GK5: variants seen among roughly 807,000 people sequenced by gnomAD.
GK5 encodes the protein glycerol kinase 5, also known as ATP:glycerol 3-phosphotransferase 5.
GK5 carries 39 observed loss-of-function variants against 77.3 expected under a neutral mutation model. That is an observed-to-expected ratio of 0.50 (90% CI 0.39 to 0.66). GK5 has a LOEUF of 0.66. Ranked by LOEUF, GK5 falls within the 30% of genes least tolerant of loss-of-function variation. The pLI is 0.00. For synonymous variants in GK5, 211 were observed against 208.0 expected (o/e 1.01, Z -0.13); for missense variants, 487 against 633.8 (o/e 0.77, Z 2.49).
chr3:142,183,657 C>T (rs1244712292), intron 9 of GK5, among the ~76,000 whole-genome samples: 1 of 152,018 alleles, frequency 6.6e-6, no homozygotes, highest in Non-Finnish European at 1.5e-5. Context: ...TTTTAGTAGA[C>T]ATGGAGTTTC....
Position 142,182,951 on chromosome 3 carries a change from A to G in GK5, c.915T>C (p.Thr305=), listed in dbSNP as rs2107774875. The G allele has an allele frequency of 6.2e-7, 1 of 1,611,522 alleles. No homozygotes were observed. Among genetic ancestry groups the G allele is most frequent in the Admixed American group, 1.7e-5 (1 of 60,014 alleles). The change falls in exon 10 of 16, where the codon ACT becomes ACC. Residue 305 remains threonine (T), a synonymous_variant. Transcript: ENST00000392993. Reference sequence around the variant, plus strand: ...CAGTAGTCTGTTGAAGGCTATTTCCAGTGTTAATATCCAAAAATGTCCCAG... The same window carrying G: ...CAGTAGTCTGTTGAAGGCTATTTCCGGTGTTAATATCCAAAAATGTCCCAG... The part of the protein sequence containing the change: ...MGTGTFLDIN[T]GNSLQQTTGG...
At chr3:142,213,480 G>A (rs756512229) in intron 3 of GK5, 46 bp downstream of exon 3, 3 of 1,075,962 alleles carry the variant, frequency 2.8e-6, no homozygotes, top group Admixed American at 3.4e-5. Context: ...TGTACTCACT[G>A]TGGCATGAAC....
chr3:142,224,038 G>A (rs1368582448), intron 1 of GK5, among the ~76,000 whole-genome samples: 1 of 152,136 alleles, frequency 6.6e-6, no homozygotes, highest in East Asian at 1.9e-4. Context: ...GGAATGGTTA[G>A]GTAACTGATG....
intron 12 of GK5, among the ~76,000 whole-genome samples, chr3:142,173,868 C>T (rs1266893215): frequency 6.6e-6 from 1 of 152,144 alleles, no homozygotes; most frequent in Non-Finnish European, 1.5e-5. Context: ...GAAAAAGCAC[C>T]TTCTAGCTTC....
chr3:142,222,268 A>T (rs1254952508), intron 1 of GK5, among the ~76,000 whole-genome samples: 1 of 152,106 alleles, frequency 6.6e-6, no homozygotes, highest in African/African-American at 2.4e-5. Context: ...GTTTTTTTAA[A>T]AAATTTCTAT....
In GK5 at chr3:142,170,407, GTCTGAAGTCA is replaced by G. The variant is rs2063522198; in HGVS notation, c.1349_1358del (p.Met450ThrfsTer2). 5.6e-6 allele frequency: 9 copies of G among 1,613,684 alleles called. No individual in the cohort carries two copies. Among genetic ancestry groups the G allele is most frequent in the Non-Finnish European group, 7.6e-6 (9 of 1,179,774 alleles). On this transcript the variant is annotated frameshift_variant, in exon 15 of 16. Transcript: ENST00000392993. LOFTEE classifies it high-confidence loss of function. ...GTCTGTCTATATTCTCATTAATCAG[GTCTGAAGTCA>G]TCTGCATGACAAAACCATTCTTACA...
intron 1 of GK5, among the ~76,000 whole-genome samples, chr3:142,216,237 C>T (rs958006146): frequency 6.6e-6 from 1 of 152,096 alleles, no homozygotes; most frequent in South Asian, 2.1e-4. Context: ...CTCAAGACAT[C>T]CTGAAAACCA....
At chr3:142,185,817 T>C in intron 9 of GK5, 112 bp downstream of exon 9, 1 of 1,548,660 alleles carries the variant, frequency 6.5e-7, no homozygotes, top group Non-Finnish European at 8.7e-7. Context: ...AAAAATACTT[T>C]AATCTTACTC....
At chr3:142,218,377 C>A (rs1023176424) in intron 1 of GK5, among the ~76,000 whole-genome samples, 188 of 125,884 alleles carry the variant, frequency 1.5e-3, no homozygotes, top group Non-Finnish European at 1.6e-3. Context: ...TACTAAAATA[C>A]AAAAAAAAAA....
intron 3 of GK5, among the ~76,000 whole-genome samples, chr3:142,209,924 T>C (rs1027108624): frequency 3.3e-5 from 5 of 150,520 alleles, no homozygotes; most frequent in African/African-American, 1.2e-4. Context: ...CCAAGAGACA[T>C]TGACTAAAGA....
intron 15 of GK5, among the ~76,000 whole-genome samples, chr3:142,166,005 C>T (rs73236071): frequency 0.081 from 12,296 of 152,264 alleles, 639 homozygotes; most frequent in Middle Eastern, 0.13. Flanking sequence ...TGTGGTGGGA[C>T]ACCACATCAC....
chr3:142,216,157 G>C (rs1038695545), intron 1 of GK5, among the ~76,000 whole-genome samples: 2 of 152,114 alleles, frequency 1.3e-5, no homozygotes, highest in African/African-American at 2.4e-5. Flanking sequence ...TGGGGAAGTA[G>C]ATAAGAATTC....
At chr3:142,188,389 G>T (rs2063803547) in intron 5 of GK5, among the ~76,000 whole-genome samples, 1 of 152,170 alleles carries the variant, frequency 6.6e-6, no homozygotes, top group Non-Finnish European at 1.5e-5. Context: ...AAAAAAATTA[G>T]CTGGGCATGG....
At chr3:142,184,260 C>CAAAAAAAAAAA (rs1161704184) in intron 9 of GK5, among the ~76,000 whole-genome samples, 14 of 10,666 alleles carry the variant, frequency 1.3e-3, no homozygotes, top group East Asian at 2.7e-3. Flanking sequence ...GACTCTGTCT[C>CAAAAAAAAAAA]AAAAAAAAAA....
At chr3:142,225,216 T>TA (rs1261726661) in intron 1 of GK5, 93 bp downstream of exon 1, 1 of 1,327,764 alleles carries the variant, frequency 7.5e-7, no homozygotes, top group African/African-American at 1.5e-5. Flanking sequence ...TCCAGGGCGG[T>TA]AGGTGGGGCC....
At position 142,165,966 on chromosome 3, in the gene GK5, T is replaced by C. The variant is rs145656241; in HGVS notation, c.1442-196A>G. ...AATTATACCAGTATTTTCAAGTCTT[T>C]TGGTTTCTAACTTTCAGCTCAGTTT... On this transcript the variant is annotated intron_variant, in intron 15 of 15. Coordinates refer to ENST00000392993, the MANE Select transcript of GK5 (RefSeq NM_001039547.3). Among the ~76,000 whole-genome samples the C allele has an allele frequency of 2.9e-3, 441 of 152,404 alleles. 3 individuals carry two copies. The highest frequency in any genetic ancestry group is 0.01 in the African/African-American group (425 of 41,604).
At position 142,198,923 on chromosome 3, in the gene GK5, C is replaced by G. The variant is rs2063976136; in HGVS notation, c.422G>C (p.Ser141Thr). The stretch of plus-strand genomic sequence containing the variant: ...GAAAAAGTGAAGCACTCGGCAAGAA[C>G]TGTGAAATATCTATATTTTAAAAAA... The part of the protein sequence containing the change: ...NNSLLMKIFH[S>T]SCRVLHFFTR... Residue 141 changes from serine to threonine, a missense_variant, in exon 5 of 16, where the codon AGT becomes ACT. Physicochemically the swap from Ser to Thr is moderately conservative, Grantham distance 58. This residue lies in a region of GK5 where 323 missense variants were observed against 437.4 expected (regional missense o/e 0.74). Transcript: ENST00000392993. The G allele has an allele frequency of 1.2e-6, 2 of 1,607,690 alleles. No homozygotes were observed. Among genetic ancestry groups the G allele is most frequent in the African/African-American group, 2.7e-5 (2 of 74,598 alleles).
chr3:142,215,197 G>GA (rs986005185), intron 2 of GK5, among the ~76,000 whole-genome samples: 3 of 152,110 alleles, frequency 2.0e-5, no homozygotes, highest in East Asian at 3.9e-4. Context: ...CAAATGGCCA[G>GA]AAAAAAACAA....
At chr3:142,187,846 G>C (rs1560219859) in intron 5 of GK5, 67 bp from the exon 6 acceptor site, 3 of 1,090,684 alleles carry the variant, frequency 2.8e-6, no homozygotes, top group East Asian at 4.7e-5. Context: ...ATTAAATGCA[G>C]ATCAGTGATA....
Sources: allele counts gnomAD v4.1 joint callset (sites outside exome capture counted in the v4.1 genomes callset), GRCh38; gene constraint gnomAD v4.1.1; regional missense constraint gnomAD v4.1.1; transcripts MANE v1.5; gene names NCBI Gene and HGNC (gene_info 2026-07-23, HGNC 2026-07-21).